The following MROH9 variants were observed in gnomAD, a reference collection of about 807,000 sequenced individuals.
MROH9 encodes maestro heat like repeat family member 9.
MROH9 carries 92 observed loss-of-function variants against 98.2 expected under a neutral mutation model. The observed-to-expected ratio is 0.94, with a 90% CI of 0.79 to 1.11. MROH9 has a LOEUF of 1.11. Ranked by LOEUF, MROH9 falls within the 50% of genes most tolerant of loss-of-function variation. MROH9 has a pLI of 0.00. For synonymous variants in MROH9, 397 were observed against 368.9 expected (o/e 1.08, Z -0.87); for missense variants, 1,057 against 1,014.8 (o/e 1.04, Z -0.57).
At chr1:170,973,163 C>T (rs1448643961) in intron 8 of MROH9, among the ~76,000 whole-genome samples, 1 of 152,022 alleles carries the variant, frequency 6.6e-6, no homozygotes, top group African/African-American at 2.4e-5. Context: ...TCGAGATCTG[C>T]AGAGATCTAA....
At chr1:171,010,743 G>A (rs566087560) in intron 15 of MROH9, among the ~76,000 whole-genome samples, 3 of 152,204 alleles carry the variant, frequency 2.0e-5, no homozygotes, top group African/African-American at 7.2e-5. Context: ...CTTTTGAGAA[G>A]TTTCTGTTCA....
intron 15 of MROH9, among the ~76,000 whole-genome samples, chr1:171,002,113 C>G (rs1651804271): frequency 6.6e-6 from 1 of 152,096 alleles, no homozygotes; most frequent in South Asian, 2.1e-4. Context: ...CATGCCTTTA[C>G]TTTAAGTTTA....
intron 17 of MROH9, among the ~76,000 whole-genome samples, chr1:171,016,760 G>A (rs143053698): frequency 2.6e-5 from 4 of 152,094 alleles, no homozygotes; most frequent in Non-Finnish European, 4.4e-5. Context: ...ATAAGAATTA[G>A]ATTTGATATT....
intron 20 of MROH9, among the ~76,000 whole-genome samples, chr1:171,033,107 G>C (rs1652978846): frequency 6.6e-6 from 1 of 152,252 alleles, no homozygotes; most frequent in African/African-American, 2.4e-5. Flanking sequence ...TTGGGACCAA[G>C]CCATCCAGCC....
intron 1 of MROH9, among the ~76,000 whole-genome samples, chr1:170,937,515 ATTTTTTT>A (rs71125282): frequency 1.8e-5 from 2 of 113,554 alleles, no homozygotes; most frequent in East Asian, 2.7e-4. Context: ...CATAATCAGT[ATTTTTTT>A]TTTTTTTTTT....
chr1:171,062,193 T>TG lies in MROH9; in HGVS notation c.2344+1dup, dbSNP rs1356529992. On this transcript the variant is annotated frameshift_variant and splice_region_variant, in exon 21 of 22. Coordinates refer to ENST00000367759, the MANE Select transcript of MROH9 (RefSeq NM_001163629.2). LOFTEE classifies it low-confidence loss of function (END_TRUNC). Reference sequence around the variant, plus strand: ...GAGATGAAATCGAAGTCATGCTTGATGGTGAGTATTGAGGTTATAACAAAA... The same window carrying TG: ...GAGATGAAATCGAAGTCATGCTTGATGGGTGAGTATTGAGGTTATAACAAAA... 1.3e-6 allele frequency: 2 copies of TG among 1,545,248 alleles called. No individual in the cohort carries two copies. Among genetic ancestry groups the TG allele is most frequent in the Non-Finnish European group, 1.8e-6 (2 of 1,141,444 alleles).
Position 170,987,780 on chromosome 1 carries a change from A to C in MROH9, c.879+1070A>C, listed in dbSNP as rs546641135. Among the ~76,000 whole-genome samples, 21 of 152,354 alleles carry C rather than the reference A, an allele frequency of 1.4e-4. No individual in the cohort carries two copies. In the East Asian group the frequency reaches 4.1e-3, roughly 29 times the overall value. ...CTCGACTTTTAAAATTTCAATTTTT[A>C]TCATTCATATATCCTACCAACATTC... On this transcript the variant is annotated intron_variant, in intron 10 of 21. Transcript: ENST00000367759.
At chr1:171,034,865 A>G (rs1339638599) in intron 20 of MROH9, among the ~76,000 whole-genome samples, 1 of 151,912 alleles carries the variant, frequency 6.6e-6, no homozygotes, top group African/African-American at 2.4e-5. Context: ...AGACCTGTGG[A>G]ACAGAATAGA....
chr1:171,019,567 C>G (rs1000448246), intron 17 of MROH9, among the ~76,000 whole-genome samples: 12 of 151,890 alleles, frequency 7.9e-5, no homozygotes, highest in Non-Finnish European at 1.6e-4. Context: ...CAGAGAATTG[C>G]TTAAACCCAG....
intron 8 of MROH9, among the ~76,000 whole-genome samples, chr1:170,981,965 C>T (rs1047790875): frequency 1.3e-5 from 2 of 152,110 alleles, no homozygotes; most frequent in Non-Finnish European, 2.9e-5. Flanking sequence ...AAGGATGTCA[C>T]TGGAGCTCAC....
At chr1:170,998,624 T>G in intron 15 of MROH9, 2 of 1,247,234 alleles carry the variant, frequency 1.6e-6, no homozygotes, top group Non-Finnish European at 2.0e-6. Context: ...ACATCTGGGA[T>G]CTAGGCAGTA....
intron 10 of MROH9, among the ~76,000 whole-genome samples, chr1:170,987,670 A>G (rs963305556): frequency 5.3e-5 from 8 of 152,246 alleles, no homozygotes; most frequent in African/African-American, 1.9e-4. Context: ...AGAATCACCA[A>G]AATAATGCTA....
chr1:171,014,172 T>A lies in MROH9; in HGVS notation c.1652T>A (p.Ile551Lys). ...PLPEEFLVLF[I>K]NWINDSNPVV... ...CCAGAAGAATTTTTGGTCCTCTTCA[T>A]AAACTGGATCAATGATTCCAATCCT... is the stretch of plus-strand genomic sequence containing the variant. Residue 551 changes from isoleucine to lysine, a missense_variant, in exon 16 of 22, where the codon ATA becomes AAA. By Grantham distance (102) the Ile-to-Lys change is moderately radical. Coordinates refer to ENST00000367759, the MANE Select transcript of MROH9 (RefSeq NM_001163629.2). 2.6e-6 allele frequency: 4 copies of A among 1,551,056 alleles called. No individual in the cohort carries two copies. The highest frequency in any genetic ancestry group is 3.5e-6 in the Non-Finnish European group (4 of 1,146,556).
intron 17 of MROH9, among the ~76,000 whole-genome samples, chr1:171,023,409 T>C (rs1214518647): frequency 6.6e-6 from 1 of 152,148 alleles, no homozygotes; most frequent in Non-Finnish European, 1.5e-5. Context: ...CTTCCAGCCT[T>C]TGAACACAGC....
At chr1:171,063,819 T>G (rs570108176) in intron 21 of MROH9, among the ~76,000 whole-genome samples, 1 of 152,234 alleles carries the variant, frequency 6.6e-6, no homozygotes, top group Non-Finnish European at 1.5e-5. Flanking sequence ...AATACATGTT[T>G]ATGTTATCTA....
At chr1:171,054,737 C>A (rs1434522715) in intron 20 of MROH9, among the ~76,000 whole-genome samples, 1 of 152,100 alleles carries the variant, frequency 6.6e-6, no homozygotes, top group Non-Finnish European at 1.5e-5. Flanking sequence ...AAATGGCCAA[C>A]AAACCTATGA....
At chr1:170,995,329 G>C (rs1651523045) in intron 12 of MROH9, 60 bp from the exon 13 acceptor site, 1 of 1,593,884 alleles carries the variant, frequency 6.3e-7, no homozygotes, top group African/African-American at 1.3e-5. Flanking sequence ...CCCTCAGTAA[G>C]GTTGACCGGG....
intron 15 of MROH9, among the ~76,000 whole-genome samples, chr1:171,008,000 A>G (rs1652020827): frequency 6.6e-6 from 1 of 152,174 alleles, no homozygotes; most frequent in Non-Finnish European, 1.5e-5. Context: ...CATAAATCCC[A>G]AAAAGTCCCC....
At position 171,024,458 on chromosome 1, in the gene MROH9, C is replaced by A; in HGVS notation, c.1972C>A (p.Gln658Lys). Reference protein sequence around the residue: ...HFGQLVRDMRQYTWMVNDVVL... With the variant: ...HFGQLVRDMRKYTWMVNDVVL... Reference sequence around the variant, plus strand: ...TGGTCAATTAGTTAGGGATATGAGACAGTACACATGGATGGTGAATGATGT... The same window carrying A: ...TGGTCAATTAGTTAGGGATATGAGAAAGTACACATGGATGGTGAATGATGT... Residue 658 changes from glutamine to lysine, a missense_variant, in exon 18 of 22, where the codon CAG (glutamine) becomes AAG (lysine). Physicochemically the swap from Gln to Lys is moderately conservative, Grantham distance 53. Coordinates refer to ENST00000367759, the MANE Select transcript of MROH9 (RefSeq NM_001163629.2). 2 of 1,551,238 alleles carry A rather than the reference C, an allele frequency of 1.3e-6. No homozygotes were observed. Among genetic ancestry groups the A allele is most frequent in the Non-Finnish European group, 1.7e-6 (2 of 1,146,770 alleles).
Sources: allele counts gnomAD v4.1 joint callset (sites outside exome capture counted in the v4.1 genomes callset), GRCh38; gene constraint gnomAD v4.1.1; transcripts MANE v1.5; gene names NCBI Gene and HGNC (gene_info 2026-07-23, HGNC 2026-07-21).